Variants in SCFD2 observed in about 807,000 individuals in gnomAD.
SCFD2 encodes the protein sec1 family domain-containing protein 2.
In SCFD2, 54 loss-of-function variants were observed where a neutral mutation model predicts 58.9. That is an observed-to-expected ratio of 0.92 (90% CI 0.74 to 1.15). The LOEUF is 1.15. Ranked by LOEUF, SCFD2 falls within the 50% of genes most tolerant of loss-of-function variation. The pLI is 0.00. For synonymous variants in SCFD2, 321 were observed against 335.9 expected, an observed-to-expected ratio of 0.96 and a Z score of 0.49; for missense variants, 805 against 836.6, an observed-to-expected ratio of 0.96 and a Z score of 0.47.
intron 5 of SCFD2, among the ~76,000 whole-genome samples, chr4:53,133,065 A>G (rs1725835832): frequency 6.6e-6 from 1 of 152,178 alleles, no homozygotes; most frequent in Non-Finnish European, 1.5e-5. Context: ...GCGGTGGCTC[A>G]TGCCTGTAAT....
chr4:53,204,828 T>C (rs1435125995), intron 4 of SCFD2, among the ~76,000 whole-genome samples: 1 of 151,190 alleles, frequency 6.6e-6, no homozygotes, highest in East Asian at 1.9e-4. Context: ...TTACATATAT[T>C]ACAAAGGATT....
chr4:53,063,599 T>C (rs1487445853), intron 5 of SCFD2, among the ~76,000 whole-genome samples: 1 of 152,092 alleles, frequency 6.6e-6, no homozygotes, highest in Non-Finnish European at 1.5e-5. Context: ...TCAAGTCAGA[T>C]AAACAGGGAA....
At chr4:53,178,516 G>A (rs553680711) in intron 4 of SCFD2, among the ~76,000 whole-genome samples, 1 of 152,250 alleles carries the variant, frequency 6.6e-6, no homozygotes, top group East Asian at 1.9e-4. Flanking sequence ...CATCATCAAA[G>A]GCCAAAGGTA....
At chr4:53,087,925 C>T (rs1022316475) in intron 5 of SCFD2, among the ~76,000 whole-genome samples, 3 of 152,116 alleles carry the variant, frequency 2.0e-5, no homozygotes, top group Non-Finnish European at 1.5e-5. Flanking sequence ...TCCCAAAGTG[C>T]TGGGATTACA....
intron 5 of SCFD2, chr4:52,949,039 T>C (rs1720517292): frequency 2.6e-5 from 4 of 152,900 alleles, no homozygotes. Context: ...TGGATAGATG[T>C]TGCTGAGCCA....
chr4:53,016,766 G>A (rs1346854953), intron 5 of SCFD2, among the ~76,000 whole-genome samples: 2 of 152,256 alleles, frequency 1.3e-5, no homozygotes, highest in Admixed American at 6.5e-5. Context: ...AGATCTTGAA[G>A]AAATATGAAT....
intron 4 of SCFD2, among the ~76,000 whole-genome samples, chr4:53,189,684 G>A (rs984116421): frequency 6.6e-5 from 10 of 152,138 alleles, no homozygotes; most frequent in African/African-American, 2.4e-4. Context: ...TTGGAGCTTA[G>A]GGCTTCAACA....
chr4:53,142,975 T>C (rs1726215492), intron 5 of SCFD2, among the ~76,000 whole-genome samples: 1 of 152,232 alleles, frequency 6.6e-6, no homozygotes, highest in African/African-American at 2.4e-5. Flanking sequence ...ATAAGATGTC[T>C]CTAAAACTTA....
chr4:53,247,087 G>A (rs1350629351), intron 4 of SCFD2, among the ~76,000 whole-genome samples: 2 of 150,444 alleles, frequency 1.3e-5, no homozygotes, highest in Non-Finnish European at 3.0e-5. Context: ...AACAAAAGTT[G>A]AGCAAAGGAC....
In SCFD2 at chr4:53,196,309, G is replaced by A. The variant is rs6843999; in HGVS notation, c.1312-50727C>T. On this transcript the variant is annotated intron_variant, in intron 4 of 8. Coordinates refer to ENST00000401642, the MANE Select transcript of SCFD2 (RefSeq NM_152540.4). Reference sequence around the variant, plus strand: ...AAAACATGATTGTCGAAATGCTGGCGTGTCTTCAAACAACAGTGTATGCTG... The same window carrying A: ...AAAACATGATTGTCGAAATGCTGGCATGTCTTCAAACAACAGTGTATGCTG... Among the ~76,000 whole-genome samples the A allele has an allele frequency of 4.0e-3, 604 of 152,216 alleles. 6 individuals carry two copies. Among genetic ancestry groups the A allele is most frequent in the African/African-American group, 0.014 (574 of 41,538 alleles).
rs537337307 is a variant in SCFD2 at position 52,907,584 on chromosome 4, T to C, written c.1715A>G (p.Tyr572Cys). The change falls in exon 7 of 9, where the codon TAT (tyrosine) becomes TGT (cysteine). Residue 572 changes from tyrosine to cysteine, a missense_variant. Physicochemically the swap from Tyr to Cys is radical, Grantham distance 194. Coordinates refer to ENST00000401642, the MANE Select transcript of SCFD2 (RefSeq NM_152540.4). ...CACAACTTGCTTCAACAATGGCTTA[T>C]AAGATGCCTGGAAAGACAAAATACT... ...VPGNHTHQAS[Y>C]KPLLKQVVEE... 1.2e-5 allele frequency: 19 copies of C among 1,614,064 alleles called. No homozygotes were observed. The South Asian group carries it at 1.6e-4, about 14-fold the overall frequency.
chr4:53,004,483 T>C (rs1721929220), intron 5 of SCFD2, among the ~76,000 whole-genome samples: 1 of 152,256 alleles, frequency 6.6e-6, no homozygotes, highest in South Asian at 2.1e-4. Context: ...CGGCATTTAC[T>C]ACATTTAATT....
intron 5 of SCFD2, among the ~76,000 whole-genome samples, chr4:52,992,267 G>A (rs991689094): frequency 6.6e-6 from 1 of 152,212 alleles, no homozygotes; most frequent in Non-Finnish European, 1.5e-5. Flanking sequence ...AACCGCGAGT[G>A]ATCTGCCAGC....
At chr4:52,914,494 A>G (rs1427633993) in intron 6 of SCFD2, among the ~76,000 whole-genome samples, 2 of 152,170 alleles carry the variant, frequency 1.3e-5, no homozygotes, top group Non-Finnish European at 2.9e-5. Context: ...GACTGCTTCA[A>G]GCTTCATGGA....
intron 1 of SCFD2, among the ~76,000 whole-genome samples, chr4:53,363,591 T>A (rs1734609813): frequency 6.6e-6 from 1 of 151,784 alleles, no homozygotes. Flanking sequence ...CCCAGCACTT[T>A]GGGAGGCCGA....
rs1721551336 is a variant in SCFD2, at chr4:52,988,616, C to T, written c.1562-67746G>A. Among the ~76,000 whole-genome samples the T allele has an allele frequency of 1.3e-5, 2 of 152,174 alleles. 1 individual carries two copies. The highest frequency in any genetic ancestry group is 4.1e-4 in the South Asian group (2 of 4,826). ...CTGGATCCCCCTTAATTCGTTACCTCAACCATCAGGTACAGATGAAGACAT... is the reference window on the plus strand; with the variant it reads ...CTGGATCCCCCTTAATTCGTTACCTTAACCATCAGGTACAGATGAAGACAT... On this transcript the variant is annotated intron_variant, in intron 5 of 8. Transcript: ENST00000401642.
At position 53,253,193 on chromosome 4, in the gene SCFD2, T is replaced by C. The variant is rs535767127; in HGVS notation, c.1311+20633A>G. On this transcript the variant is annotated intron_variant, in intron 4 of 8. Coordinates refer to ENST00000401642, the MANE Select transcript of SCFD2 (RefSeq NM_152540.4). ...GCAAATCAAAACCACAATGAGATAC[T>C]ATCTCCCACCAGTTAGAATGGCAAT... Among the ~76,000 whole-genome samples the C allele has an allele frequency of 2.0e-4, 31 of 152,304 alleles. No individual in the cohort carries two copies. The East Asian group carries it at 3.7e-3, about 18-fold the overall frequency.
intron 5 of SCFD2, among the ~76,000 whole-genome samples, chr4:53,033,618 A>G (rs6826017): frequency 0.028 from 4,319 of 152,256 alleles, 210 homozygotes; most frequent in African/African-American, 0.099. Context: ...TAGATGCAAT[A>G]AAAAAAGATA....
rs554897397 is a variant in SCFD2 at position 52,876,519 on chromosome 4, T to G, written c.1963-2458A>C. 5.3e-5 allele frequency among the ~76,000 whole-genome samples: 8 copies of G among 151,920 alleles called. No individual in the cohort carries two copies. In the South Asian group the frequency reaches 1.7e-3, roughly 32 times the overall value. On this transcript the variant is annotated intron_variant, in intron 8 of 8. Coordinates refer to ENST00000401642, the MANE Select transcript of SCFD2 (RefSeq NM_152540.4). Reference sequence around the variant, plus strand: ...AATCCCAGCACTTTGGGAGGCCGATTTGGGTGGATCACCTGAGGTCAGGAG... The same window carrying G: ...AATCCCAGCACTTTGGGAGGCCGATGTGGGTGGATCACCTGAGGTCAGGAG...
Sources: allele counts gnomAD v4.1 joint callset (sites outside exome capture counted in the v4.1 genomes callset), GRCh38; gene constraint gnomAD v4.1.1; transcripts MANE v1.5; gene names NCBI Gene and HGNC (gene_info 2026-07-23, HGNC 2026-07-21).